The following TRABD2B variants were observed in gnomAD, a reference collection of about 807,000 sequenced individuals.
The protein encoded by TRABD2B is TraB domain containing 2B, also known as metalloprotease TIKI2.
A neutral mutation model predicts 40.1 loss-of-function variants in TRABD2B; 14 were observed. The ratio of observed to expected loss-of-function variants is 0.35; its 90% CI spans 0.23 to 0.55. The LOEUF is 0.55. Ranked by LOEUF, TRABD2B falls within the 20% of genes least tolerant of loss-of-function variation. The pLI, the probability that TRABD2B is intolerant of heterozygous loss-of-function variation, is 0.90. For synonymous variants in TRABD2B, 263 were observed against 277.0 expected (o/e 0.95, Z 0.50); for missense variants, 541 against 648.6 (o/e 0.83, Z 1.80).
chr1:47,876,307 C>T (rs918961240), intron 2 of TRABD2B, among the ~76,000 whole-genome samples: 1 of 152,148 alleles, frequency 6.6e-6, no homozygotes, highest in African/African-American at 2.4e-5. Context: ...GAACATAGAA[C>T]AGTGTGATGT....
In TRABD2B at chr1:47,776,180, A is replaced by G. The variant is rs1334180278; in HGVS notation, c.1080-741T>C. 2.6e-5 allele frequency among the ~76,000 whole-genome samples: 4 copies of G among 152,088 alleles called. No homozygotes were observed. In the East Asian group the frequency reaches 5.8e-4, roughly 22 times the overall value. ...GTAATTAAGATTATTAGCATTGTGCATTCATCCAACCTTCCATTCATACAT... is the reference window on the plus strand; with the variant it reads ...GTAATTAAGATTATTAGCATTGTGCGTTCATCCAACCTTCCATTCATACAT... On this transcript the variant is annotated intron_variant, in intron 5 of 6. Transcript: ENST00000606738.
chr1:47,883,705 C>G (rs868554107), intron 2 of TRABD2B, among the ~76,000 whole-genome samples: 1 of 152,324 alleles, frequency 6.6e-6, no homozygotes, highest in Middle Eastern at 3.4e-3. Context: ...CTTCTTGTTC[C>G]AACTACAGGG....
rs74073637 is a variant in TRABD2B, at chr1:47,838,371, G to A, written c.667-36752C>T. ...CCCATAGCAGAATGGACTTCCCAAG[G>A]AGGTGGTGAGCATCCATCTCTGGAG... On this transcript the variant is annotated intron_variant, in intron 2 of 6. Coordinates refer to ENST00000606738, the MANE Select transcript of TRABD2B (RefSeq NM_001194986.2). 6.6e-3 allele frequency among the ~76,000 whole-genome samples: 1,012 copies of A among 152,348 alleles called. 6 individuals are homozygous for A. Among genetic ancestry groups the A allele is most frequent in the African/African-American group, 0.023 (964 of 41,578 alleles).
At chr1:47,988,312 A>T (rs1404428993) in intron 2 of TRABD2B, among the ~76,000 whole-genome samples, 1 of 152,220 alleles carries the variant, frequency 6.6e-6, no homozygotes, top group East Asian at 1.9e-4. Context: ...TGCTGCAAAC[A>T]GGACTAATAA....
chr1:47,859,180 G>A (rs1366798812), intron 2 of TRABD2B, among the ~76,000 whole-genome samples: 2 of 152,226 alleles, frequency 1.3e-5, no homozygotes, highest in African/African-American at 4.8e-5. Flanking sequence ...GCAGACTGAA[G>A]CTTTGCAGCC....
intron 1 of TRABD2B, among the ~76,000 whole-genome samples, chr1:47,995,703 CA>C (rs913244991): frequency 9.9e-5 from 15 of 152,126 alleles, no homozygotes; most frequent in Non-Finnish European, 1.5e-5. Flanking sequence ...GATTCTGGCA[CA>C]AATGAAAAGT....
At chr1:47,848,719 G>C (rs1244353218) in intron 2 of TRABD2B, among the ~76,000 whole-genome samples, 2 of 152,210 alleles carry the variant, frequency 1.3e-5, no homozygotes, top group Non-Finnish European at 2.9e-5. Flanking sequence ...CAGGTCACCA[G>C]ACCCCCAGCC....
At chr1:47,891,003 G>A (rs1644437358) in intron 2 of TRABD2B, among the ~76,000 whole-genome samples, 1 of 149,502 alleles carries the variant, frequency 6.7e-6, no homozygotes, top group Non-Finnish European at 1.5e-5. Context: ...TATTTTTGGA[G>A]TAGTTACCCA....
At chr1:47,885,066 G>A (rs954189937) in intron 2 of TRABD2B, among the ~76,000 whole-genome samples, 1 of 151,982 alleles carries the variant, frequency 6.6e-6, no homozygotes, top group Admixed American at 6.6e-5. Flanking sequence ...AGGATATCAT[G>A]GACCTGGTCC....
chr1:47,891,785 G>A (rs1644448613), intron 2 of TRABD2B, among the ~76,000 whole-genome samples: 1 of 151,636 alleles, frequency 6.6e-6, no homozygotes, highest in Non-Finnish European at 1.5e-5. Context: ...CTGGGCTACG[G>A]AGCAAGACCC....
intron 4 of TRABD2B, among the ~76,000 whole-genome samples, chr1:47,792,859 C>A (rs1010968431): frequency 1.3e-5 from 2 of 152,126 alleles, no homozygotes; most frequent in African/African-American, 2.4e-5. Context: ...TGGGGAGGAG[C>A]CTGGGGGCTG....
At chr1:47,965,389 C>CAAAAAAAAAAAAAAAA (rs113225973) in intron 2 of TRABD2B, among the ~76,000 whole-genome samples, 1 of 136,200 alleles carries the variant, frequency 7.3e-6, no homozygotes. Context: ...TCCTTCCCTG[C>CAAAAAAAAAAAAAAAA]AAAAAAAAAA....
Position 47,933,306 on chromosome 1 carries a change from G to T in TRABD2B, c.666+60728C>A, listed in dbSNP as rs576684567. On this transcript the variant is annotated intron_variant, in intron 2 of 6. Coordinates refer to ENST00000606738, the MANE Select transcript of TRABD2B (RefSeq NM_001194986.2). ...TTTGTATTTTTTTAGTAGAGACGGGGTTTCAACATATTAGCCAGGATGATC... is the reference window on the plus strand; with the variant it reads ...TTTGTATTTTTTTAGTAGAGACGGGTTTTCAACATATTAGCCAGGATGATC... Among the ~76,000 whole-genome samples the T allele has an allele frequency of 2.9e-3, 439 of 151,878 alleles. 2 individuals carry two copies. Among genetic ancestry groups the T allele is most frequent in the Non-Finnish European group, 4.6e-3 (314 of 67,960 alleles).
intron 2 of TRABD2B, among the ~76,000 whole-genome samples, chr1:47,805,257 T>A (rs1644876299): frequency 7.8e-6 from 1 of 128,480 alleles, no homozygotes; most frequent in Non-Finnish European, 1.6e-5. Flanking sequence ...GCCACACCCA[T>A]TTTTTTTTTT....
intron 2 of TRABD2B, among the ~76,000 whole-genome samples, chr1:47,832,423 C>T (rs1645263184): frequency 6.6e-6 from 1 of 152,074 alleles, no homozygotes; most frequent in African/African-American, 2.4e-5. Flanking sequence ...GCTTCCTAAA[C>T]TGCAGAATAG....
chr1:47,945,559 C>T (rs916729311), intron 2 of TRABD2B, among the ~76,000 whole-genome samples: 6 of 152,176 alleles, frequency 3.9e-5, no homozygotes, highest in African/African-American at 1.4e-4. Context: ...CCAAAGAATT[C>T]GTGTCCCTCT....
intron 2 of TRABD2B, among the ~76,000 whole-genome samples, chr1:47,835,849 C>T (rs1463795505): frequency 6.6e-6 from 1 of 152,106 alleles, no homozygotes; most frequent in Non-Finnish European, 1.5e-5. Flanking sequence ...GTAAAGATAA[C>T]TATGTAGGTA....
At chr1:47,815,209 T>C (rs944833435) in intron 2 of TRABD2B, among the ~76,000 whole-genome samples, 1 of 152,108 alleles carries the variant, frequency 6.6e-6, no homozygotes, top group Non-Finnish European at 1.5e-5. Context: ...CCTTGGGTCT[T>C]GGGAAAAGAA....
rs553273789 is a variant in TRABD2B at position 47,949,393 on chromosome 1, T to A, written c.666+44641A>T. Among the ~76,000 whole-genome samples the A allele has an allele frequency of 4.5e-4, 65 of 144,420 alleles. 1 individual carries two copies. In the East Asian group the frequency reaches 0.012, roughly 26 times the overall value. The allele number at this position is 144,420 out of a possible 152,430, so 94.7% of individuals were successfully genotyped here. On this transcript the variant is annotated intron_variant, in intron 2 of 6. Coordinates refer to ENST00000606738, the MANE Select transcript of TRABD2B (RefSeq NM_001194986.2). The stretch of plus-strand genomic sequence containing the variant: ...CAGTCCACTCTATGATTGTATTTTC[T>A]TTTCTTTCTTTTTTTTTTTTTTTTT...
Sources: allele counts gnomAD v4.1 joint callset (sites outside exome capture counted in the v4.1 genomes callset), GRCh38; gene constraint gnomAD v4.1.1; transcripts MANE v1.5; gene names NCBI Gene and HGNC (gene_info 2026-07-23, HGNC 2026-07-21).